OBI1: variants seen among roughly 807,000 people sequenced by gnomAD.
OBI1 encodes ORC ubiquitin ligase 1.
A neutral mutation model predicts 62.4 loss-of-function variants in OBI1; 59 were observed. That is an observed-to-expected ratio of 0.95 (90% CI 0.77 to 1.17). The LOEUF (loss-of-function observed/expected upper bound fraction) is 1.17. OBI1 is among the 50% of genes most tolerant of loss of function. The pLI, the probability that OBI1 is intolerant of heterozygous loss-of-function variation, is 0.00. For missense variants in OBI1, 875 were observed against 830.9 expected (o/e 1.05, Z -0.65); for synonymous variants, 302 against 292.8 (o/e 1.03, Z -0.32).
rs1285506799 is a variant in OBI1 at position 78,615,077 on chromosome 13, A to C, written c.*503T>G. On this transcript the variant is annotated 3_prime_UTR_variant, in exon 6 of 6. Coordinates refer to ENST00000282003, the MANE Select transcript of OBI1 (RefSeq NM_024546.4). The stretch of plus-strand genomic sequence containing the variant: ...AGGCCATCACTAAACATAAATAAAA[A>C]GGGACAGGTAAAATAATTTCCACCC... 6.6e-6 allele frequency: 1 copy of C among 152,296 alleles called. No homozygotes were observed. Among genetic ancestry groups the C allele is most frequent in the African/African-American group, 2.4e-5 (1 of 41,452 alleles). The allele number at this position is 152,296 out of a possible 1,614,324, so 9.4% of individuals were successfully genotyped here.
intron 5 of OBI1, among the ~76,000 whole-genome samples, chr13:78,626,072 T>C (rs1476953105): frequency 6.6e-6 from 1 of 152,082 alleles, no homozygotes; most frequent in Non-Finnish European, 1.5e-5. Context: ...GGAAGGAAAA[T>C]CTGATTCAAG....
chr13:78,641,821 C>T (rs1335409665), intron 3 of OBI1, among the ~76,000 whole-genome samples: 4 of 136,708 alleles, frequency 2.9e-5, no homozygotes, highest in African/African-American at 8.1e-5. Flanking sequence ...TGTGGAGGTA[C>T]AAATTTTAAC....
At chr13:78,634,620 C>T (rs1875965313) in intron 5 of OBI1, among the ~76,000 whole-genome samples, 1 of 152,130 alleles carries the variant, frequency 6.6e-6, no homozygotes, top group Non-Finnish European at 1.5e-5. Flanking sequence ...TCTAACACTT[C>T]CACTTGTGAA....
intron 5 of OBI1, 180 bp from the exon 6 acceptor site, chr13:78,617,302 T>C (rs1038912845): frequency 2.0e-6 from 1 of 491,856 alleles, no homozygotes; most frequent in Non-Finnish European, 3.5e-6. Flanking sequence ...ACTTACATAA[T>C]AATAAACATA....
At chr13:78,639,615 GGATT>G (rs1444691594) in intron 3 of OBI1, among the ~76,000 whole-genome samples, 1 of 146,166 alleles carries the variant, frequency 6.8e-6, no homozygotes, top group African/African-American at 2.6e-5. Flanking sequence ...ATGATAGACT[GGATT>G]AAGAAAATGT....
At chr13:78,641,048 A>G (rs909544122) in intron 3 of OBI1, among the ~76,000 whole-genome samples, 2 of 152,298 alleles carry the variant, frequency 1.3e-5, no homozygotes, top group East Asian at 3.9e-4. Context: ...TTTGGGTTAG[A>G]ACTTCTTACT....
At chr13:78,633,225 G>A (rs1875908490) in intron 5 of OBI1, among the ~76,000 whole-genome samples, 1 of 152,154 alleles carries the variant, frequency 6.6e-6, no homozygotes, top group African/African-American at 2.4e-5. Context: ...CACTTCCTAA[G>A]CTTATTTCAC....
At chr13:78,643,882 C>T (rs1037831491) in intron 2 of OBI1, among the ~76,000 whole-genome samples, 3 of 152,076 alleles carry the variant, frequency 2.0e-5, no homozygotes, top group African/African-American at 4.8e-5. Flanking sequence ...CTATACTTGG[C>T]TAATTGTAGA....
chr13:78,630,310 G>A (rs1192121253), intron 5 of OBI1, among the ~76,000 whole-genome samples: 1 of 152,006 alleles, frequency 6.6e-6, no homozygotes, highest in African/African-American at 2.4e-5. Context: ...ACAGAAGTAG[G>A]GAGAACATAA....
At chr13:78,656,845 T>A (rs546162860) in intron 1 of OBI1, among the ~76,000 whole-genome samples, 257 of 142,902 alleles carry the variant, frequency 1.8e-3, no homozygotes, top group African/African-American at 6.4e-3. Context: ...TTGCCCAGGC[T>A]GGAGTGCAAT....
intron 5 of OBI1, among the ~76,000 whole-genome samples, chr13:78,618,332 T>G (rs1875388740): frequency 6.6e-6 from 1 of 152,096 alleles, no homozygotes; most frequent in East Asian, 1.9e-4. Flanking sequence ...GGTTTATCTT[T>G]TTCTTCCTTT....
chr13:78,616,818 G>C lies in OBI1; in HGVS notation c.943C>G (p.Pro315Ala). 1 of 1,614,210 alleles carries C rather than the reference G, an allele frequency of 6.2e-7. No individual in the cohort carries two copies. Among genetic ancestry groups the C allele is most frequent in the South Asian group, 1.1e-5 (1 of 91,078 alleles). The change falls in exon 6 of 6, where the codon CCT becomes GCT. Residue 315 changes from proline to alanine, a missense_variant. Transcript: ENST00000282003. ...STSSSSHLAK[P>A]SSSRLCDTSS... ...GTGTCACACAGTCTGCTGCTGGAAG[G>C]CTTCGCTAGGTGAGAAGAACTGGAG...
At chr13:78,623,707 G>A (rs926686403) in intron 5 of OBI1, among the ~76,000 whole-genome samples, 3 of 152,122 alleles carry the variant, frequency 2.0e-5, no homozygotes, top group African/African-American at 7.2e-5. Context: ...TGTGTATACA[G>A]AGTCAATGAA....
At chr13:78,632,361 C>T (rs761926778) in intron 5 of OBI1, among the ~76,000 whole-genome samples, 2 of 152,138 alleles carry the variant, frequency 1.3e-5, no homozygotes, top group African/African-American at 2.4e-5. Context: ...TCAAGCCACT[C>T]GCCTATAACA....
intron 1 of OBI1, among the ~76,000 whole-genome samples, chr13:78,645,855 G>A (rs763159079): frequency 1.3e-5 from 2 of 152,120 alleles, no homozygotes; most frequent in Non-Finnish European, 2.9e-5. Flanking sequence ...TCACCACATT[G>A]GTCAGGCTGG....
At chr13:78,620,622 G>T (rs1374200735) in intron 5 of OBI1, 2 of 452,124 alleles carry the variant, frequency 4.4e-6, no homozygotes, top group South Asian at 1.6e-5. Context: ...GGATGAGAGA[G>T]AAAAGGATGC....
intron 5 of OBI1, among the ~76,000 whole-genome samples, chr13:78,629,830 G>A (rs1450277513): frequency 6.6e-6 from 1 of 152,080 alleles, no homozygotes; most frequent in Non-Finnish European, 1.5e-5. Flanking sequence ...GGATGTAGTG[G>A]AGTCATGCTA....
intron 3 of OBI1, 133 bp from the exon 4 acceptor site, chr13:78,639,204 A>T (rs1876127748): frequency 1.1e-6 from 1 of 874,870 alleles, no homozygotes; most frequent in East Asian, 2.8e-5. Flanking sequence ...TACATATCAA[A>T]AGAGTTTTGC....
chr13:78,658,205 T>A (rs1357358470), intron 1 of OBI1, among the ~76,000 whole-genome samples: 1 of 152,084 alleles, frequency 6.6e-6, no homozygotes, highest in East Asian at 1.9e-4. Flanking sequence ...GACGTAAAAA[T>A]AATTCAGGGT....
Sources: allele counts gnomAD v4.1 joint callset (sites outside exome capture counted in the v4.1 genomes callset), GRCh38; gene constraint gnomAD v4.1.1; transcripts MANE v1.5; gene names NCBI Gene and HGNC (gene_info 2026-07-23, HGNC 2026-07-21).